COL18A1: variants seen among roughly 807,000 people sequenced by gnomAD.
COL18A1 encodes the protein collagen alpha-1(XVIII) chain.
Under a neutral mutation model 168.0 loss-of-function variants are expected in COL18A1, and 133 were observed. The observed-to-expected ratio is 0.79, with a 90% CI of 0.69 to 0.91. The LOEUF (loss-of-function observed/expected upper bound fraction) is 0.91, where lower values mean the gene tolerates loss of function less well. Among genes scored for constraint, COL18A1 ranks in the 40% least tolerant of loss-of-function variants. The pLI is 0.00. For synonymous variants in COL18A1, 949 were observed against 809.0 expected (o/e 1.17, Z -2.94); for missense variants, 2,126 against 1,925.4 (o/e 1.10, Z -1.95).
At chr21:45,483,923 T>G (rs549555759) in intron 15 of COL18A1, among the ~76,000 whole-genome samples, 1 of 149,508 alleles carries the variant, frequency 6.7e-6, no homozygotes, top group East Asian at 2.0e-4. Flanking sequence ...CTCCAGCATA[T>G]GTACACATGC....
rs1207499392 is a variant in COL18A1, at chr21:45,475,952, CCTGAGAAAACACAGGA to C, written c.799-398_799-383del. The stretch of plus-strand genomic sequence containing the variant: ...GGAAGGCTTTCCCCAGCTCGGGCCA[CCTGAGAAAACACAGGA>C]GGGGCGGGGAGTGGGGAGGCCCCAG... On this transcript the variant is annotated intron_variant, in intron 5 of 41. Transcript: ENST00000651438. 3.3e-5 allele frequency among the ~76,000 whole-genome samples: 5 copies of C among 152,360 alleles called. No homozygotes were observed. In the East Asian group the frequency reaches 7.7e-4, roughly 24 times the overall value.
At chr21:45,504,940 C>G (rs2037101303) in intron 34 of COL18A1, among the ~76,000 whole-genome samples, 194 bp from the exon 35 acceptor site, 1 of 152,054 alleles carries the variant, frequency 6.6e-6, no homozygotes, top group South Asian at 2.1e-4. Flanking sequence ...GGTCTCTCCC[C>G]CGGGATCGCA....
rs1476139258 is a variant in COL18A1 at position 45,505,051 on chromosome 21, T to C, written c.2869-83T>C. On this transcript the variant is annotated intron_variant, in intron 34 of 41. Transcript: ENST00000651438. ...GAGGCTGCGCTCGCCAAGGGGGTCTTGGCAGCTGCAGCCCCACAAGCTTGC... is the reference window on the plus strand; with the variant it reads ...GAGGCTGCGCTCGCCAAGGGGGTCTCGGCAGCTGCAGCCCCACAAGCTTGC... The C allele has an allele frequency of 9.1e-6, 14 of 1,543,270 alleles. No homozygotes were observed. In the Middle Eastern group the frequency reaches 5.0e-4, roughly 55 times the overall value.
rs9980181 is a variant in COL18A1 at position 45,480,300 on chromosome 21, G to A, written c.1398+144G>A. 0.22 allele frequency: 285,758 copies of A among 1,294,686 alleles called. 32,580 individuals carry two copies. Among genetic ancestry groups the A allele is most frequent in the Middle Eastern group, 0.25 (1,354 of 5,396 alleles). The allele number at this position is 1,294,686 out of a possible 1,614,324, so 80.2% of individuals were successfully genotyped here. A position where few individuals can be genotyped will look rare whatever the true frequency, so the allele number is the denominator to read the frequency against. On this transcript the variant is annotated intron_variant, in intron 11 of 41. Transcript: ENST00000651438. The stretch of plus-strand genomic sequence containing the variant: ...CTGAGGGGTCACAGGTGTGGTGGGA[G>A]CCCCCATCCACCTGCCTTCAGGCTT...
intron 2 of COL18A1, among the ~76,000 whole-genome samples, chr21:45,462,819 A>G (rs1295231992): frequency 6.6e-6 from 1 of 152,100 alleles, no homozygotes; most frequent in Admixed American, 6.5e-5. Flanking sequence ...GTGCCTTGTG[A>G]TTTTGTGTTA....
intron 2 of COL18A1, chr21:45,409,804 T>C (rs574097234): frequency 3.3e-5 from 5 of 152,298 alleles, no homozygotes; most frequent in Admixed American, 2.6e-4. Flanking sequence ...CCGCTGGCAA[T>C]TGTGTAAAAG....
rs1235307627 is a variant in COL18A1 at position 45,473,680 on chromosome 21, C to G, written c.652-215C>G. On this transcript the variant is annotated intron_variant, in intron 3 of 41. Transcript: ENST00000651438. This position sits in a 1 kb window ranked among gnomAD's most constrained non-coding sequence, Gnocchi z 4.0. Reference sequence around the variant, plus strand: ...GGAGCAGCCTCCGCCCAGCCGGGTGCTTTCCACATGAAAGCGCCCAGGACG... The same window carrying G: ...GGAGCAGCCTCCGCCCAGCCGGGTGGTTTCCACATGAAAGCGCCCAGGACG... Among the ~76,000 whole-genome samples the G allele has an allele frequency of 6.6e-6, 1 of 152,190 alleles. No individual in the cohort carries two copies. The highest frequency in any genetic ancestry group is 1.5e-5 in the Non-Finnish European group (1 of 68,024).
rs555320978 is a variant in COL18A1, at chr21:45,490,151, A to G, written c.1960-124A>G. 1.9e-3 allele frequency: 1,248 copies of G among 646,296 alleles called. 5 individuals carry two copies. Among genetic ancestry groups the G allele is most frequent in the Non-Finnish European group, 2.7e-3 (1,017 of 373,768 alleles). 40.0% of individuals were successfully genotyped at this position (646,296 alleles called of 1,614,324 possible). A position where few individuals can be genotyped will look rare whatever the true frequency, so the allele number is the denominator to read the frequency against. On this transcript the variant is annotated intron_variant, in intron 19 of 41. Transcript: ENST00000651438. ...CCCTCCACAGCCCCTGCTCAGGCCC[A>G]CAGGGGTGAGAGAGAGAAGTCCAGG...
At chr21:45,451,859 C>T (rs1284605378) in intron 2 of COL18A1, among the ~76,000 whole-genome samples, 1 of 152,218 alleles carries the variant, frequency 6.6e-6, no homozygotes, top group African/African-American at 2.4e-5. Context: ...CCCTCTTCCT[C>T]CTTGGCTGGG....
At position 45,455,806 on chromosome 21, in the gene COL18A1, C is replaced by T; in HGVS notation, c.107-12436C>T. 2 of 1,613,552 alleles carry T rather than the reference C, an allele frequency of 1.2e-6. No individual in the cohort carries two copies. The highest frequency in any genetic ancestry group is 8.5e-7 in the Non-Finnish European group (1 of 1,180,034). On this transcript the variant is annotated intron_variant, in intron 2 of 41. Coordinates refer to ENST00000651438, the MANE Select transcript of COL18A1 (RefSeq NM_001379500.1). Reference sequence around the variant, plus strand: ...CAGAGCTGCTGGAAGATGGCCAGGACACCCCCACTTCTGCCGAGAGCCCGG... The same window carrying T: ...CAGAGCTGCTGGAAGATGGCCAGGATACCCCCACTTCTGCCGAGAGCCCGG...
chr21:45,475,330 C>T (rs957064643), intron 4 of COL18A1, 146 bp from the exon 5 acceptor site: 7 of 750,180 alleles, frequency 9.3e-6, no homozygotes, highest in African/African-American at 1.7e-5. Context: ...CCCCAGCGGC[C>T]CCCCGGAGAG....
At chr21:45,429,568 C>T (rs1231812466) in intron 2 of COL18A1, among the ~76,000 whole-genome samples, 2 of 152,234 alleles carry the variant, frequency 1.3e-5, no homozygotes, top group African/African-American at 4.8e-5. Context: ...CTTCTCCCCT[C>T]TCCAGTCTCA....
intron 2 of COL18A1, chr21:45,455,748 C>A: frequency 6.2e-7 from 1 of 1,613,818 alleles, no homozygotes; most frequent in Non-Finnish European, 8.5e-7. Context: ...TCCACAGAGC[C>A]AGCGACAGCC....
intron 2 of COL18A1, among the ~76,000 whole-genome samples, chr21:45,415,437 T>C (rs1337385744): frequency 3.3e-5 from 5 of 152,070 alleles, no homozygotes; most frequent in Admixed American, 6.5e-5. Context: ...AGCCAGGAGC[T>C]GGACACCCAG....
chr21:45,452,779 C>T (rs1007044097), intron 2 of COL18A1, among the ~76,000 whole-genome samples: 6 of 149,038 alleles, frequency 4.0e-5, no homozygotes, highest in South Asian at 2.1e-4. Flanking sequence ...TATTCACTGA[C>T]GTGTGAGCAT....
In COL18A1 at chr21:45,490,407, T is replaced by C. The variant is rs2838947; in HGVS notation, c.2031+61T>C. The C allele has an allele frequency of 0.24, 300,312 of 1,274,634 alleles. 35,870 individuals are homozygous for C. The highest frequency in any genetic ancestry group is 0.35 in the African/African-American group (20,754 of 59,428). The allele number at this position is 1,274,634 out of a possible 1,614,324, so 79.0% of individuals were successfully genotyped here. A position where few individuals can be genotyped will look rare whatever the true frequency, so the allele number is the denominator to read the frequency against. ...GCGTGGAGCCCTGAAGGGACTATGC[T>C]AAGATGAAAGCTGGCACGAGATGTG... On this transcript the variant is annotated intron_variant, in intron 20 of 41. Transcript: ENST00000651438.
intron 2 of COL18A1, among the ~76,000 whole-genome samples, chr21:45,431,187 A>G (rs2033948932): frequency 6.6e-6 from 1 of 152,100 alleles, no homozygotes; most frequent in Non-Finnish European, 1.5e-5. Context: ...GTGCTCTCCA[A>G]GGGTGGGCGA....
At chr21:45,505,768 A>ATTCC in intron 36 of COL18A1, 70 bp from the exon 37 acceptor site, 1 of 1,213,588 alleles carries the variant, frequency 8.2e-7, no homozygotes, top group Middle Eastern at 2.7e-4. Context: ...TGAAACGGGC[A>ATTCC]TTCCTTCCTT....
chr21:45,477,312 C>T lies in COL18A1; in HGVS notation c.929-99C>T, dbSNP rs538659598. ...GACAGTGTCCAGCCGGGCTCCAGGA[C>T]TGAAAGCGTTTGGGCTGCCGGGGCC... is the stretch of plus-strand genomic sequence containing the variant. On this transcript the variant is annotated intron_variant, in intron 6 of 41. Transcript: ENST00000651438. 2.8e-5 allele frequency: 26 copies of T among 915,182 alleles called. 1 individual carries two copies. Among genetic ancestry groups the T allele is most frequent in the Middle Eastern group, 3.2e-4 (1 of 3,172 alleles). 56.7% of individuals were successfully genotyped at this position (915,182 alleles called of 1,614,324 possible).
Sources: gnomAD v4.1 joint callset for allele counts (sites outside exome capture counted in the v4.1 genomes callset) on GRCh38, gnomAD v4.1.1 for gene constraint, Gnocchi (gnomAD v3.1) non-coding constraint, MANE v1.5 for transcripts, NCBI Gene and HGNC (gene_info 2026-07-23, HGNC 2026-07-21) for gene names.